CFHR1: variants seen among roughly 807,000 people sequenced by gnomAD.
The protein encoded by CFHR1 is complement factor H related 1, also known as complement factor H-related protein 1.
CFHR1 carries 22 observed loss-of-function variants against 30.4 expected under a neutral mutation model. The observed-to-expected ratio is 0.72, with a 90% CI of 0.52 to 1.03. CFHR1 has a LOEUF of 1.03. Ranked by LOEUF, CFHR1 falls within the 50% of genes least tolerant of loss-of-function variation. The pLI is 0.00. For missense variants in CFHR1, 248 were observed against 380.6 expected (o/e 0.65, Z 2.90); for synonymous variants, 95 against 129.1 (o/e 0.74, Z 1.79).
At chr1:196,825,722 G>A (rs1443210634) in intron 2 of CFHR1, 51 bp downstream of exon 2, 1 of 1,434,828 alleles carries the variant, frequency 7.0e-7, no homozygotes, top group Non-Finnish European at 9.5e-7. Flanking sequence ...GAATAGAGAA[G>A]GATATGCCAG....
In CFHR1 at chr1:196,828,689, G is replaced by A. The variant is rs1655432062; in HGVS notation, c.607+443G>A. 1.5e-5 allele frequency among the ~76,000 whole-genome samples: 2 copies of A among 133,306 alleles called. 1 individual carries two copies. Among genetic ancestry groups the A allele is most frequent in the Non-Finnish European group, 3.1e-5 (2 of 63,656 alleles). The allele number at this position is 133,306 out of a possible 152,430, so 87.5% of individuals were successfully genotyped here. A position where few individuals can be genotyped will look rare whatever the true frequency, so the allele number is the denominator to read the frequency against. ...ACTGTATTTATAAAAAGAAGTCCGA[G>A]CACATAGTCCTGGGTCATTCTAATA... is the stretch of plus-strand genomic sequence containing the variant. On this transcript the variant is annotated intron_variant, in intron 4 of 5. Transcript: ENST00000320493.
Position 196,827,620 on chromosome 1 carries a change from A to G in CFHR1, c.431-450A>G, listed in dbSNP as rs773167277. 1.5e-5 allele frequency among the ~76,000 whole-genome samples: 2 copies of G among 135,562 alleles called. 1 individual carries two copies. Among genetic ancestry groups the G allele is most frequent in the Non-Finnish European group, 3.1e-5 (2 of 64,418 alleles). 88.9% of individuals were successfully genotyped at this position (135,562 alleles called of 152,430 possible). A position where few individuals can be genotyped will look rare whatever the true frequency, so the allele number is the denominator to read the frequency against. On this transcript the variant is annotated intron_variant, in intron 3 of 5. Transcript: ENST00000320493. ...TTGCTTATTCACTAAGAAAATGCCT[A>G]TTTGTGTTTATTTTTAAGAGGCTAA...
In CFHR1 at chr1:196,830,950, AC is replaced by A. The variant is rs1300667180; in HGVS notation, c.790+272del. Among the ~76,000 whole-genome samples, 2 of 132,170 alleles carry A rather than the reference AC, an allele frequency of 1.5e-5. 1 individual carries two copies. Among genetic ancestry groups the A allele is most frequent in the Non-Finnish European group, 3.1e-5 (2 of 63,522 alleles). 86.7% of individuals were successfully genotyped at this position (132,170 alleles called of 152,430 possible). A position where few individuals can be genotyped will look rare whatever the true frequency, so the allele number is the denominator to read the frequency against. On this transcript the variant is annotated intron_variant, in intron 5 of 5. Transcript: ENST00000320493. ...AGACCATCCTGGCTAACATGGTGAAACCCCGTCTCTACTAAAAATACAGAAT... is the reference window on the plus strand; with the variant it reads ...AGACCATCCTGGCTAACATGGTGAAACCCGTCTCTACTAAAAATACAGAAT...
Position 196,828,132 on chromosome 1 carries a change from A to G in CFHR1, c.493A>G (p.Lys165Glu), listed in dbSNP as rs148880971. Residue 165 changes from lysine to glutamate, a missense_variant, in exon 4 of 6, where the codon AAA (lysine) becomes GAA (glutamate). Lys to Glu is a moderately conservative substitution (Grantham distance 56, BLOSUM62 1). Coordinates refer to ENST00000320493, the MANE Select transcript of CFHR1 (RefSeq NM_002113.3). ...NAHILSRQMSKYPSGERVRYE... is the reference protein window; with the variant it reads ...NAHILSRQMSEYPSGERVRYE... ...TCATATACTGTCGAGACAGATGAGTAAATATCCATCTGGTGAGAGAGTACG... is the reference window on the plus strand; with the variant it reads ...TCATATACTGTCGAGACAGATGAGTGAATATCCATCTGGTGAGAGAGTACG... The G allele has an allele frequency of 2.4e-5, 30 of 1,232,402 alleles. 9 individuals carry two copies. The highest frequency in any genetic ancestry group is 3.3e-5 in the Non-Finnish European group (30 of 913,664). 76.3% of individuals were successfully genotyped at this position (1,232,402 alleles called of 1,614,324 possible). A position where few individuals can be genotyped will look rare whatever the true frequency, so the allele number is the denominator to read the frequency against.
intron 5 of CFHR1, 102 bp downstream of exon 5, chr1:196,830,784 G>A (rs745846789): frequency 1.4e-6 from 2 of 1,397,594 alleles, no homozygotes; most frequent in Non-Finnish European, 9.8e-7. Context: ...CAACCATTCT[G>A]CTGAATGCCT....
At chr1:196,831,410 G>A (rs2124897093) in intron 5 of CFHR1, among the ~76,000 whole-genome samples, 1 of 134,422 alleles carries the variant, frequency 7.4e-6, no homozygotes, top group Admixed American at 7.1e-5. Context: ...AATATTATTA[G>A]CTCTAAATAT....
intron 1 of CFHR1, among the ~76,000 whole-genome samples, chr1:196,824,681 G>A (rs1350534614): frequency 8.9e-6 from 1 of 112,028 alleles, no homozygotes; most frequent in Non-Finnish European, 1.7e-5. Context: ...TATCTTTATT[G>A]TTTTTTTCAA....
In CFHR1 at chr1:196,830,491, G is replaced by A. The variant is rs1558215692; in HGVS notation, c.608-9G>A. The A allele has an allele frequency of 9.2e-6, 14 of 1,525,058 alleles. 2 individuals are homozygous for A. In the South Asian group the frequency reaches 1.7e-4, roughly 19 times the overall value. 94.5% of individuals were successfully genotyped at this position (1,525,058 alleles called of 1,614,324 possible). A position where few individuals can be genotyped will look rare whatever the true frequency, so the allele number is the denominator to read the frequency against. The stretch of plus-strand genomic sequence containing the variant: ...ACAATAAATCAAGTGATGAAATGAT[G>A]TTTTTTAGATTCTACGGGAAAATGT... On this transcript the variant is annotated splice_polypyrimidine_tract_variant and intron_variant, in intron 4 of 5. Coordinates refer to ENST00000320493, the MANE Select transcript of CFHR1 (RefSeq NM_002113.3).
chr1:196,823,207 A>G lies in CFHR1; in HGVS notation c.59-2270A>G, dbSNP rs189501903. On this transcript the variant is annotated intron_variant, in intron 1 of 5. Transcript: ENST00000320493. ...ATAAAAATTATTTTCTACTTTTGAAATTGGTGGTTGTGTAAAGGAGGCTTG... is the reference window on the plus strand; with the variant it reads ...ATAAAAATTATTTTCTACTTTTGAAGTTGGTGGTTGTGTAAAGGAGGCTTG... Among the ~76,000 whole-genome samples the G allele has an allele frequency of 1.0e-3, 138 of 133,784 alleles. 22 individuals carry two copies. The East Asian group carries it at 0.023, about 22-fold the overall frequency. The allele number at this position is 133,784 out of a possible 152,430, so 87.8% of individuals were successfully genotyped here.
At chr1:196,824,007 CAAA>C (rs920051564) in intron 1 of CFHR1, among the ~76,000 whole-genome samples, 1 of 94,260 alleles carries the variant, frequency 1.1e-5, no homozygotes, top group Non-Finnish European at 2.1e-5. Flanking sequence ...TATGTGTACA[CAAA>C]AAAAGAGTAA....
chr1:196,820,892 T>A (rs1295260338), intron 1 of CFHR1: 1 of 132,750 alleles, frequency 7.5e-6, no homozygotes, highest in African/African-American at 3.4e-5. Flanking sequence ...CAGGCTGGAG[T>A]GCAATGGTGT....
In CFHR1 at chr1:196,825,624, G is replaced by T. The variant is rs537358906; in HGVS notation, c.206G>T (p.Arg69Leu). 2.0e-6 allele frequency: 3 copies of T among 1,524,460 alleles called. No homozygotes were observed. The highest frequency in any genetic ancestry group is 2.2e-5 in the East Asian group (1 of 44,548). 94.4% of individuals were successfully genotyped at this position (1,524,460 alleles called of 1,614,324 possible). A position where few individuals can be genotyped will look rare whatever the true frequency, so the allele number is the denominator to read the frequency against. ...TCTCCTTCAAAATCATTTTGGACTC[G>T]CATAACATGCACAGAAGAAGGATGG... Reference protein sequence around the residue: ...FVSPSKSFWTRITCTEEGWSP... With the variant: ...FVSPSKSFWTLITCTEEGWSP... Residue 69 changes from arginine (R) to leucine (L), a missense_variant, in exon 2 of 6, where the codon CGC becomes CTC. By Grantham distance (102) the Arg-to-Leu change is moderately radical. Transcript: ENST00000320493.
chr1:196,830,693 T>C lies in CFHR1; in HGVS notation c.790+11T>C, dbSNP rs554746359. 6.6e-7 allele frequency: 1 copy of C among 1,521,950 alleles called. No individual in the cohort carries two copies. Among genetic ancestry groups the C allele is most frequent in the Non-Finnish European group, 8.9e-7 (1 of 1,126,534 alleles). The allele number at this position is 1,521,950 out of a possible 1,614,324, so 94.3% of individuals were successfully genotyped here. A position where few individuals can be genotyped will look rare whatever the true frequency, so the allele number is the denominator to read the frequency against. On this transcript the variant is annotated intron_variant, in intron 5 of 5. Coordinates refer to ENST00000320493, the MANE Select transcript of CFHR1 (RefSeq NM_002113.3). ...CACCAAAATGCTTACGTAAGTACTT[T>C]AATATTCACGTGGCTGGAAAAATCA... is the stretch of plus-strand genomic sequence containing the variant.
rs1296136161 is a variant in CFHR1 at position 196,828,140 on chromosome 1, A to G, written c.501A>G (p.Pro167=). The change falls in exon 4 of 6, where the codon CCA becomes CCG. Residue 167 remains proline, a synonymous_variant. Transcript: ENST00000320493. Reference sequence around the variant, plus strand: ...TGTCGAGACAGATGAGTAAATATCCATCTGGTGAGAGAGTACGTTATGAAT... The same window carrying G: ...TGTCGAGACAGATGAGTAAATATCCGTCTGGTGAGAGAGTACGTTATGAAT... ...HILSRQMSKY[P]SGERVRYECR... The G allele has an allele frequency of 8.2e-6, 10 of 1,218,468 alleles. 3 individuals are homozygous for G. The highest frequency in any genetic ancestry group is 1.0e-5 in the Non-Finnish European group (9 of 903,478). 75.5% of individuals were successfully genotyped at this position (1,218,468 alleles called of 1,614,324 possible).
rs552516176 is a variant in CFHR1, at chr1:196,825,288, C to T, written c.59-189C>T. ...TTTTATATTCATTAACAATTACCTCCTCAAATAGTCATGTACTCCTAGTTA... is the reference window on the plus strand; with the variant it reads ...TTTTATATTCATTAACAATTACCTCTTCAAATAGTCATGTACTCCTAGTTA... On this transcript the variant is annotated intron_variant, in intron 1 of 5. Transcript: ENST00000320493. The T allele has an allele frequency of 3.6e-3, 1,566 of 440,008 alleles. 197 individuals are homozygous for T. Among genetic ancestry groups the T allele is most frequent in the Non-Finnish European group, 5.3e-3 (1,359 of 256,120 alleles). 27.3% of individuals were successfully genotyped at this position (440,008 alleles called of 1,614,324 possible).
Position 196,825,615 on chromosome 1 carries a change from T to C in CFHR1, c.197T>C (p.Phe66Ser), listed in dbSNP as rs1410641478. 2.6e-6 allele frequency: 4 copies of C among 1,525,220 alleles called. No individual in the cohort carries two copies. In the Admixed American group the frequency reaches 6.9e-5, roughly 26 times the overall value. The allele number at this position is 1,525,220 out of a possible 1,614,324, so 94.5% of individuals were successfully genotyped here. Residue 66 changes from phenylalanine to serine, a missense_variant, in exon 2 of 6, where the codon TTT (phenylalanine) becomes TCT (serine). Coordinates refer to ENST00000320493, the MANE Select transcript of CFHR1 (RefSeq NM_002113.3). ...EYNFVSPSKS[F>S]WTRITCTEEG... ...AATTTTGTGTCTCCTTCAAAATCAT[T>C]TTGGACTCGCATAACATGCACAGAA...
chr1:196,821,387 AG>A (rs929615193), intron 1 of CFHR1, among the ~76,000 whole-genome samples: 2 of 88,122 alleles, frequency 2.3e-5, no homozygotes, highest in African/African-American at 1.3e-4. Context: ...ACCAAAAAAA[AG>A]TTCAAGCTTC....
chr1:196,829,760 T>C lies in CFHR1; in HGVS notation c.608-740T>C, dbSNP rs189763242. ...TTTTTAAAGTAGTTTTATTTTAATG[T>C]ATATTGGTATAAATTCCAATGTTTT... On this transcript the variant is annotated intron_variant, in intron 4 of 5. Transcript: ENST00000320493. Among the ~76,000 whole-genome samples, 1,090 of 135,324 alleles carry C rather than the reference T, an allele frequency of 8.1e-3. 323 individuals are homozygous for C. The highest frequency in any genetic ancestry group is 0.033 in the African/African-American group (1,054 of 31,804). The allele number at this position is 135,324 out of a possible 152,430, so 88.8% of individuals were successfully genotyped here.
Position 196,830,490 on chromosome 1 carries a change from T to C in CFHR1, c.608-10T>C. 6.6e-7 allele frequency: 1 copy of C among 1,525,378 alleles called. No homozygotes were observed. Among genetic ancestry groups the C allele is most frequent in the Non-Finnish European group, 8.9e-7 (1 of 1,129,012 alleles). 94.5% of individuals were successfully genotyped at this position (1,525,378 alleles called of 1,614,324 possible). A position where few individuals can be genotyped will look rare whatever the true frequency, so the allele number is the denominator to read the frequency against. On this transcript the variant is annotated splice_polypyrimidine_tract_variant and intron_variant, in intron 4 of 5. Transcript: ENST00000320493. ...CACAATAAATCAAGTGATGAAATGA[T>C]GTTTTTTAGATTCTACGGGAAAATG...
Sources: allele counts gnomAD v4.1 joint callset (sites outside exome capture counted in the v4.1 genomes callset), GRCh38; gene constraint gnomAD v4.1.1; transcripts MANE v1.5; gene names NCBI Gene and HGNC (gene_info 2026-07-23, HGNC 2026-07-21).